The following FGF19 variants were observed in gnomAD, a reference collection of about 807,000 sequenced individuals.
The protein encoded by FGF19 is fibroblast growth factor 19.
In FGF19, 5 loss-of-function variants were observed where a neutral mutation model predicts 8.9. That is an observed-to-expected ratio of 0.56 (90% CI 0.29 to 1.18). FGF19 has a LOEUF of 1.18. Ranked by LOEUF, FGF19 falls within the 50% of genes most tolerant of loss-of-function variation. FGF19 has a pLI of 0.08. For synonymous variants in FGF19, 124 were observed against 128.0 expected (o/e 0.97, Z 0.21); for missense variants, 237 against 293.9 (o/e 0.81, Z 1.42).
In FGF19 at chr11:69,703,997, G is replaced by T; in HGVS notation, c.-121C>A. The T allele has an allele frequency of 3.6e-6, 2 of 557,344 alleles. No homozygotes were observed. The highest frequency in any genetic ancestry group is 5.4e-6 in the Non-Finnish European group (2 of 371,082). The allele number at this position is 557,344 out of a possible 1,614,324, so 34.5% of individuals were successfully genotyped here. ...TGGGATGGTCGTGGCCCTAGATCCT[G>T]GACGCAGCGCTCCTGCTCTGACGGC... On this transcript the variant is annotated 5_prime_UTR_variant, in exon 1 of 3. Transcript: ENST00000294312. The surrounding 1 kb of genome is among the most constrained non-coding windows in gnomAD (Gnocchi z 6.8).
rs1019112835 is a variant in FGF19 at position 69,699,250 on chromosome 11, G to A, written c.*12C>T. On this transcript the variant is annotated 3_prime_UTR_variant, in exon 3 of 3. Coordinates refer to ENST00000294312, the MANE Select transcript of FGF19 (RefSeq NM_005117.3). ...CCCTGGCAGCAGTGAAGAGGCCCGG[G>A]CATGGTCTCAGTTACTTCTCAAAGC... 6.3e-7 allele frequency: 1 copy of A among 1,592,940 alleles called. No individual in the cohort carries two copies.
In FGF19 at chr11:69,702,431, T is replaced by G. The variant is rs2119913852; in HGVS notation, c.336+830A>C. 6.6e-6 allele frequency among the ~76,000 whole-genome samples: 1 copy of G among 152,166 alleles called. No individual in the cohort carries two copies. The highest frequency in any genetic ancestry group is 1.9e-4 in the East Asian group (1 of 5,144). On this transcript the variant is annotated intron_variant, in intron 2 of 2. Transcript: ENST00000294312. This position sits in a 1 kb window ranked among gnomAD's most constrained non-coding sequence, Gnocchi z 4.6. ...CTCCGCCAGGGAGTCCGGGGCTGCG[T>G]GTGAGGCCTGCGCGGGCCGAGACCT...
Position 69,703,119 on chromosome 11 carries a change from C to G in FGF19, c.336+142G>C. ...CACTTAATCGGTCTTTGCAATCTTT[C>G]CCTCGAAGTTGCACGCGGGTCTGGG... is the stretch of plus-strand genomic sequence containing the variant. On this transcript the variant is annotated intron_variant, in intron 2 of 2. Coordinates refer to ENST00000294312, the MANE Select transcript of FGF19 (RefSeq NM_005117.3). This position sits in a 1 kb window ranked among gnomAD's most constrained non-coding sequence, Gnocchi z 6.8. 3 of 551,598 alleles carry G rather than the reference C, an allele frequency of 5.4e-6. No homozygotes were observed. In the South Asian group the frequency reaches 7.8e-5, roughly 14 times the overall value. 34.2% of individuals were successfully genotyped at this position (551,598 alleles called of 1,614,324 possible). A position where few individuals can be genotyped will look rare whatever the true frequency, so the allele number is the denominator to read the frequency against.
In FGF19 at chr11:69,699,250, G is replaced by T; in HGVS notation, c.*12C>A. 3.1e-6 allele frequency: 5 copies of T among 1,592,940 alleles called. No individual in the cohort carries two copies. The highest frequency in any genetic ancestry group is 3.4e-6 in the Non-Finnish European group (4 of 1,168,358). On this transcript the variant is annotated 3_prime_UTR_variant, in exon 3 of 3. Transcript: ENST00000294312. Reference sequence around the variant, plus strand: ...CCCTGGCAGCAGTGAAGAGGCCCGGGCATGGTCTCAGTTACTTCTCAAAGC... The same window carrying T: ...CCCTGGCAGCAGTGAAGAGGCCCGGTCATGGTCTCAGTTACTTCTCAAAGC...
intron 2 of FGF19, among the ~76,000 whole-genome samples, chr11:69,700,205 C>A (rs903174434): frequency 6.6e-6 from 1 of 151,700 alleles, no homozygotes; most frequent in Admixed American, 6.6e-5. Context: ...TAATATATAA[C>A]CCATTAATAA....
chr11:69,699,659 C>T, intron 2 of FGF19, 83 bp from the exon 3 acceptor site: 1 of 1,124,676 alleles, frequency 8.9e-7, no homozygotes, highest in Non-Finnish European at 1.2e-6. Context: ...TACAGACTGT[C>T]CCTGGTGGCC....
rs536611432 is a variant in FGF19, at chr11:69,702,566, C to T, written c.336+695G>A. Among the ~76,000 whole-genome samples, 1 of 152,014 alleles carries T rather than the reference C, an allele frequency of 6.6e-6. No individual in the cohort carries two copies. Among genetic ancestry groups the T allele is most frequent in the African/African-American group, 2.4e-5 (1 of 41,396 alleles). On this transcript the variant is annotated intron_variant, in intron 2 of 2. Coordinates refer to ENST00000294312, the MANE Select transcript of FGF19 (RefSeq NM_005117.3). This position sits in a 1 kb window ranked among gnomAD's most constrained non-coding sequence, Gnocchi z 4.6. Reference sequence around the variant, plus strand: ...AGCCCCAGCGCTCGTACACTTCCGGCCCCGGGACCTCTGCGGTTACCTGGG... The same window carrying T: ...AGCCCCAGCGCTCGTACACTTCCGGTCCCGGGACCTCTGCGGTTACCTGGG...
intron 2 of FGF19, among the ~76,000 whole-genome samples, chr11:69,700,766 C>CCAAGG (rs1554971697): frequency 6.6e-6 from 1 of 151,196 alleles, no homozygotes; most frequent in Admixed American, 6.6e-5. Flanking sequence ...CAGCCCCTCC[C>CCAAGG]CCAGGCCAGG....
At position 69,702,333 on chromosome 11, in the gene FGF19, G is replaced by A. The variant is rs1440301963; in HGVS notation, c.336+928C>T. On this transcript the variant is annotated intron_variant, in intron 2 of 2. Transcript: ENST00000294312. This position sits in a 1 kb window ranked among gnomAD's most constrained non-coding sequence, Gnocchi z 4.6. ...TCACAAAGGAGCTGGTTGGGCCGGA[G>A]GCGGCCCCGCCTCTGCATCCTTTCT... Among the ~76,000 whole-genome samples, 1 of 152,214 alleles carries A rather than the reference G, an allele frequency of 6.6e-6. No individual in the cohort carries two copies. The highest frequency in any genetic ancestry group is 1.5e-5 in the Non-Finnish European group (1 of 68,034).
In FGF19 at chr11:69,703,639, A is replaced by G. The variant is rs1216568057; in HGVS notation, c.232+6T>C. On this transcript the variant is annotated splice_donor_region_variant and intron_variant, in intron 1 of 2. Transcript: ENST00000294312. This position sits in a 1 kb window ranked among gnomAD's most constrained non-coding sequence, Gnocchi z 6.8. ...GGGGCGGGCGGGGGTGCTGGCGGGC[A>G]CTCACTGTGCGCGCTCTGGCCCCGC... The G allele has an allele frequency of 8.2e-7, 1 of 1,220,360 alleles. No homozygotes were observed. The highest frequency in any genetic ancestry group is 1.0e-6 in the Non-Finnish European group (1 of 978,292). The allele number at this position is 1,220,360 out of a possible 1,614,324, so 75.6% of individuals were successfully genotyped here. A position where few individuals can be genotyped will look rare whatever the true frequency, so the allele number is the denominator to read the frequency against.
Position 69,703,585 on chromosome 11 carries a change from C to A in FGF19, c.232+60G>T. ...AGGAAGGAAGGGCGCTGGGGTGGGG[C>A]GCGCGCAGCGGGGTGGGGTGCGCGC... On this transcript the variant is annotated intron_variant, in intron 1 of 2. Transcript: ENST00000294312. The surrounding 1 kb of genome is among the most constrained non-coding windows in gnomAD (Gnocchi z 6.8). 1 of 794,052 alleles carries A rather than the reference C, an allele frequency of 1.3e-6. No homozygotes were observed. Among genetic ancestry groups the A allele is most frequent in the South Asian group, 6.5e-5 (1 of 15,394 alleles). 49.2% of individuals were successfully genotyped at this position (794,052 alleles called of 1,614,324 possible).
chr11:69,704,003 A>T lies in FGF19; in HGVS notation c.-127T>A, dbSNP rs1854811919. 2 of 531,906 alleles carry T rather than the reference A, an allele frequency of 3.8e-6. No individual in the cohort carries two copies. The highest frequency in any genetic ancestry group is 4.4e-5 in the Admixed American group (1 of 22,852). The allele number at this position is 531,906 out of a possible 1,614,324, so 32.9% of individuals were successfully genotyped here. On this transcript the variant is annotated 5_prime_UTR_variant, in exon 1 of 3. Transcript: ENST00000294312. ...GGTCGTGGCCCTAGATCCTGGACGC[A>T]GCGCTCCTGCTCTGACGGCGCGGCG...
At chr11:69,701,720 T>G (rs1395551017) in intron 2 of FGF19, among the ~76,000 whole-genome samples, 3 of 151,176 alleles carry the variant, frequency 2.0e-5, no homozygotes, top group Non-Finnish European at 4.4e-5. Context: ...CCCAAAGCAC[T>G]TTGGGAGGCC....
Position 69,698,947 on chromosome 11 carries a change from T to C in FGF19, c.*315A>G. The C allele has an allele frequency of 6.8e-6, 2 of 294,738 alleles. No individual in the cohort carries two copies. The highest frequency in any genetic ancestry group is 2.4e-4 in the South Asian group (2 of 8,350). 18.3% of individuals were successfully genotyped at this position (294,738 alleles called of 1,614,324 possible). ...GACATAAGAATTTTTCCAAAGGAAGTGAGTTCCCCATCGATGGAGGTATTC... is the reference window on the plus strand; with the variant it reads ...GACATAAGAATTTTTCCAAAGGAAGCGAGTTCCCCATCGATGGAGGTATTC... On this transcript the variant is annotated 3_prime_UTR_variant, in exon 3 of 3. Transcript: ENST00000294312.
rs914535926 is a variant in FGF19, at chr11:69,698,832, G to A, written c.*430C>T. ...TGAAATTTACCTGCTGTTTTACAGA[G>A]TGGATCACCTGTTCCTGAAATTAAA... On this transcript the variant is annotated 3_prime_UTR_variant, in exon 3 of 3. Transcript: ENST00000294312. 1.3e-5 allele frequency: 3 copies of A among 238,998 alleles called. No homozygotes were observed. The highest frequency in any genetic ancestry group is 4.5e-5 in the African/African-American group (2 of 44,512). 14.8% of individuals were successfully genotyped at this position (238,998 alleles called of 1,614,324 possible). A position where few individuals can be genotyped will look rare whatever the true frequency, so the allele number is the denominator to read the frequency against.
Position 69,699,105 on chromosome 11 carries a change from C to T in FGF19, c.*157G>A. ...CAAGTCTATTGGCTAGAAACTGGCA[C>T]TGCCAATGGAAAACTCTGAATATGT... is the stretch of plus-strand genomic sequence containing the variant. On this transcript the variant is annotated 3_prime_UTR_variant, in exon 3 of 3. Coordinates refer to ENST00000294312, the MANE Select transcript of FGF19 (RefSeq NM_005117.3). The T allele has an allele frequency of 1.6e-6, 1 of 613,378 alleles. No individual in the cohort carries two copies. The highest frequency in any genetic ancestry group is 2.8e-6 in the Non-Finnish European group (1 of 351,422). The allele number at this position is 613,378 out of a possible 1,614,324, so 38.0% of individuals were successfully genotyped here.
At position 69,699,124 on chromosome 11, in the gene FGF19, A is replaced by T; in HGVS notation, c.*138T>A. 1 of 645,076 alleles carries T rather than the reference A, an allele frequency of 1.6e-6. No individual in the cohort carries two copies. Among genetic ancestry groups the T allele is most frequent in the Admixed American group, 3.0e-5 (1 of 33,650 alleles). 40.0% of individuals were successfully genotyped at this position (645,076 alleles called of 1,614,324 possible). Reference sequence around the variant, plus strand: ...CTGGCACTGCCAATGGAAAACTCTGAATATGTACAACTTCTAGATGTTTCT... The same window carrying T: ...CTGGCACTGCCAATGGAAAACTCTGTATATGTACAACTTCTAGATGTTTCT... On this transcript the variant is annotated 3_prime_UTR_variant, in exon 3 of 3. Transcript: ENST00000294312.
chr11:69,701,606 C>CAAAAAAA (rs35300469), intron 2 of FGF19, among the ~76,000 whole-genome samples: 2 of 59,876 alleles, frequency 3.3e-5, no homozygotes, highest in Non-Finnish European at 2.8e-5. Context: ...GACTCCGTCT[C>CAAAAAAA]AAAAAAAAAA....
chr11:69,703,926 G>A lies in FGF19; in HGVS notation c.-50C>T. The A allele has an allele frequency of 8.7e-7, 1 of 1,143,916 alleles. No individual in the cohort carries two copies. The highest frequency in any genetic ancestry group is 1.1e-6 in the Non-Finnish European group (1 of 903,554). 70.9% of individuals were successfully genotyped at this position (1,143,916 alleles called of 1,614,324 possible). The stretch of plus-strand genomic sequence containing the variant: ...CAGCTCCGGCGATGGGGGTGCGGGA[G>A]GCTGGGCGGCGACCGGGATGCGCTG... On this transcript the variant is annotated 5_prime_UTR_variant, in exon 1 of 3. Transcript: ENST00000294312. This position sits in a 1 kb window ranked among gnomAD's most constrained non-coding sequence, Gnocchi z 6.8.
Sources: allele counts gnomAD v4.1 joint callset (sites outside exome capture counted in the v4.1 genomes callset), GRCh38; gene constraint gnomAD v4.1.1; non-coding constraint Gnocchi (gnomAD v3.1); transcripts MANE v1.5; gene names NCBI Gene and HGNC (gene_info 2026-07-23, HGNC 2026-07-21).